The following R3HCC1L variants were observed in gnomAD, a reference collection of about 807,000 sequenced individuals.
R3HCC1L encodes coiled-coil domain-containing protein R3HCC1L.
In R3HCC1L, 51 loss-of-function variants were observed where a neutral mutation model predicts 59.9. That is an observed-to-expected ratio of 0.85 (90% CI 0.68 to 1.07). The LOEUF is 1.07. Among genes scored for constraint, R3HCC1L ranks in the 50% least tolerant of loss-of-function variants. The pLI is 0.00. For missense variants in R3HCC1L, 965 were observed against 933.0 expected (o/e 1.03, Z -0.45); for synonymous variants, 322 against 315.2 (o/e 1.02, Z -0.23).
At chr10:98,216,179 T>G (rs1290264649) in intron 5 of R3HCC1L, among the ~76,000 whole-genome samples, 1 of 152,180 alleles carries the variant, frequency 6.6e-6, no homozygotes. Context: ...TATCAATTTT[T>G]TTCCCCCAAT....
In R3HCC1L at chr10:98,155,130, G is replaced by GT. The variant is rs1048919352; in HGVS notation, c.-267-956dup. Reference sequence around the variant, plus strand: ...TTTGGAAATACTCTCCAATTTGGTTGTTTTTTTGGCCAATGTTTTTAATCT... The same window carrying GT: ...TTTGGAAATACTCTCCAATTTGGTTGTTTTTTTTGGCCAATGTTTTTAATCT... On this transcript the variant is annotated intron_variant, in intron 1 of 9. Transcript: ENST00000298999. Among the ~76,000 whole-genome samples the GT allele has an allele frequency of 2.0e-5, 3 of 151,990 alleles. No homozygotes were observed. The South Asian group carries it at 6.2e-4, about 32-fold the overall frequency.
chr10:98,213,161 G>A (rs1440027683), intron 5 of R3HCC1L, among the ~76,000 whole-genome samples: 1 of 152,118 alleles, frequency 6.6e-6, no homozygotes, highest in Non-Finnish European at 1.5e-5. Context: ...AACATACAAA[G>A]AGAGGAAAGC....
chr10:98,230,450 G>A (rs186296420), intron 5 of R3HCC1L, among the ~76,000 whole-genome samples: 31 of 151,792 alleles, frequency 2.0e-4, no homozygotes, highest in East Asian at 3.9e-4. Flanking sequence ...TTTTTTTTGC[G>A]TCTATTTGAT....
chr10:98,168,033 C>T (rs1014157965), intron 4 of R3HCC1L, among the ~76,000 whole-genome samples: 2 of 152,100 alleles, frequency 1.3e-5, no homozygotes, highest in Non-Finnish European at 1.5e-5. Flanking sequence ...GTCAGTTAAA[C>T]CCAGAATAGA....
intron 4 of R3HCC1L, among the ~76,000 whole-genome samples, chr10:98,199,214 G>A (rs1248566923): frequency 6.6e-6 from 1 of 152,052 alleles, no homozygotes; most frequent in African/African-American, 2.4e-5. Context: ...TCAGCATTCT[G>A]CAGCATTTGA....
At chr10:98,179,204 A>G (rs966133889) in intron 4 of R3HCC1L, among the ~76,000 whole-genome samples, 3 of 152,198 alleles carry the variant, frequency 2.0e-5, no homozygotes, top group Non-Finnish European at 2.9e-5. Context: ...TGGGTTTGTC[A>G]TAAATAGCTC....
At chr10:98,156,980 A>C in intron 2 of R3HCC1L, among the ~76,000 whole-genome samples, 1 of 152,206 alleles carries the variant, frequency 6.6e-6, no homozygotes, top group East Asian at 1.9e-4. Context: ...CCATGTCTGA[A>C]AATATTTTTG....
intron 4 of R3HCC1L, among the ~76,000 whole-genome samples, chr10:98,202,374 A>G (rs1019243403): frequency 6.6e-6 from 1 of 152,162 alleles, no homozygotes; most frequent in Non-Finnish European, 1.5e-5. Flanking sequence ...GAAAAATTGG[A>G]CAATACTGGG....
intron 1 of R3HCC1L, among the ~76,000 whole-genome samples, chr10:98,152,006 G>A (rs1490434228): frequency 6.6e-6 from 1 of 152,094 alleles, no homozygotes; most frequent in Non-Finnish European, 1.5e-5. Flanking sequence ...ATGCCGAGCC[G>A]AAGCTGGACT....
chr10:98,235,867 A>T (rs909687043), intron 8 of R3HCC1L, among the ~76,000 whole-genome samples, 157 bp from the exon 9 acceptor site: 4 of 152,178 alleles, frequency 2.6e-5, no homozygotes, highest in African/African-American at 9.7e-5. Flanking sequence ...TTGCCATGTT[A>T]ATTTCCTCTG....
At chr10:98,184,291 G>A (rs2134662331) in intron 4 of R3HCC1L, among the ~76,000 whole-genome samples, 1 of 152,218 alleles carries the variant, frequency 6.6e-6, no homozygotes, top group African/African-American at 2.4e-5. Context: ...AAACAGTCAT[G>A]CGCCACATAA....
chr10:98,202,212 A>G (rs1322536905), intron 4 of R3HCC1L, among the ~76,000 whole-genome samples: 1 of 152,218 alleles, frequency 6.6e-6, no homozygotes, highest in Non-Finnish European at 1.5e-5. Flanking sequence ...TTTTGCAACC[A>G]TCACAGTAAA....
chr10:98,235,783 G>C (rs1856870962), intron 8 of R3HCC1L, among the ~76,000 whole-genome samples: 2 of 152,320 alleles, frequency 1.3e-5, no homozygotes, highest in Admixed American at 1.3e-4. Context: ...GTTTACCTCT[G>C]TGTTTAGCTG....
At chr10:98,147,364 A>C (rs927304327) in intron 1 of R3HCC1L, among the ~76,000 whole-genome samples, 3 of 152,006 alleles carry the variant, frequency 2.0e-5, no homozygotes, top group Non-Finnish European at 4.4e-5. Context: ...TCTGTGGGTT[A>C]TCTCTTTACT....
intron 5 of R3HCC1L, among the ~76,000 whole-genome samples, chr10:98,230,435 T>A (rs550811524): frequency 5.3e-5 from 8 of 152,248 alleles, no homozygotes; most frequent in Non-Finnish European, 1.2e-4. Flanking sequence ...ATATCCCCTT[T>A]ATCATTTTTT....
chr10:98,187,439 C>T (rs1311794751), intron 4 of R3HCC1L, among the ~76,000 whole-genome samples: 1 of 152,060 alleles, frequency 6.6e-6, no homozygotes, highest in Non-Finnish European at 1.5e-5. Flanking sequence ...AATCATTTCT[C>T]ATAATTGGAT....
chr10:98,140,843 GTAGTT>G (rs767000377), intron 1 of R3HCC1L, among the ~76,000 whole-genome samples: 4 of 151,130 alleles, frequency 2.6e-5, no homozygotes, highest in African/African-American at 9.8e-5. Context: ...ACCTCTCAGT[GTAGTT>G]TAAACACATT....
At chr10:98,215,844 T>C (rs1854135439) in intron 5 of R3HCC1L, among the ~76,000 whole-genome samples, 1 of 152,200 alleles carries the variant, frequency 6.6e-6, no homozygotes. Flanking sequence ...TGATGAAATG[T>C]ATATATCCAA....
intron 5 of R3HCC1L, among the ~76,000 whole-genome samples, chr10:98,228,590 A>G (rs1855962561): frequency 6.6e-6 from 1 of 152,150 alleles, no homozygotes; most frequent in Admixed American, 6.5e-5. Context: ...TAGTTTAATT[A>G]GATCTCATTT....
Sources: allele counts gnomAD v4.1 joint callset (sites outside exome capture counted in the v4.1 genomes callset), GRCh38; gene constraint gnomAD v4.1.1; transcripts MANE v1.5; gene names NCBI Gene and HGNC (gene_info 2026-07-23, HGNC 2026-07-21).